The following SAMD5 variants were observed in gnomAD, a reference collection of about 807,000 sequenced individuals.
SAMD5 encodes the protein sterile alpha motif domain containing 5.
SAMD5 carries 13 observed loss-of-function variants against 11.3 expected under a neutral mutation model. The observed-to-expected ratio is 1.15, with a 90% CI of 0.75 to 1.83. The LOEUF (loss-of-function observed/expected upper bound fraction) is 1.83. Ranked by LOEUF, SAMD5 falls within the 40% of genes most tolerant of loss-of-function variation. The pLI is 0.00. For missense variants in SAMD5, 255 were observed against 239.1 expected (o/e 1.07, Z -0.44); for synonymous variants, 129 against 111.3 (o/e 1.16, Z -1.00).
At chr6:147,646,004 GTCTGTCTATGTATCTATCTATGTA>G (rs1315354663) in intron 1 of SAMD5, among the ~76,000 whole-genome samples, 8 of 132,850 alleles carry the variant, frequency 6.0e-5, no homozygotes, top group East Asian at 4.1e-4. Flanking sequence ...ATATCTGTCT[GTCTGTCTATGTATCTATCTATGTA>G]TCTATCTATC....
intron 1 of SAMD5, among the ~76,000 whole-genome samples, chr6:147,703,795 G>A (rs1047263519): frequency 9.2e-5 from 14 of 152,226 alleles, no homozygotes; most frequent in South Asian, 2.1e-4. Context: ...GCATCCATGG[G>A]CAGTGCTGGT....
chr6:147,575,555 A>G (rs968151845), intron 1 of SAMD5, among the ~76,000 whole-genome samples: 1 of 152,250 alleles, frequency 6.6e-6, no homozygotes, highest in African/African-American at 2.4e-5. Context: ...CTGGTTTCAT[A>G]CGTGTTAAAT....
intron 1 of SAMD5, among the ~76,000 whole-genome samples, chr6:147,685,803 A>G (rs1368086385): frequency 2.0e-5 from 3 of 152,170 alleles, no homozygotes; most frequent in Non-Finnish European, 4.4e-5. Context: ...AGGCAACACA[A>G]CTACATGCTT....
At chr6:147,916,751 C>T in the SAMD5 span, among the ~76,000 whole-genome samples, 1 of 142,642 alleles carries the variant, frequency 7.0e-6, no homozygotes, top group Non-Finnish European at 1.5e-5. Context: ...GTTACCCTTC[C>T]TGTGTCGATG....
chr6:147,682,182 T>G (rs1343414485), intron 1 of SAMD5, among the ~76,000 whole-genome samples: 1 of 152,138 alleles, frequency 6.6e-6, no homozygotes, highest in Non-Finnish European at 1.5e-5. Flanking sequence ...GGCCTGGAAA[T>G]TCTTCCTATA....
chr6:147,737,449 T>TGGAGGCAAAA, exon 2 of SAMD5: 1 of 799,868 alleles, frequency 1.3e-6, no homozygotes, highest in Non-Finnish European at 1.8e-6. Context: ...GGACACATAA[T>TGGAGGCAAAA]TTTGCCTCCA....
At chr6:147,916,388 A>G in the SAMD5 span, among the ~76,000 whole-genome samples, 2 of 151,826 alleles carry the variant, frequency 1.3e-5, no homozygotes, top group African/African-American at 4.8e-5. Flanking sequence ...AAGTGTTCCT[A>G]TTTTTCCACA....
chr6:147,681,538 T>G (rs1207893016), intron 1 of SAMD5, among the ~76,000 whole-genome samples: 1 of 152,194 alleles, frequency 6.6e-6, no homozygotes, highest in Non-Finnish European at 1.5e-5. Context: ...TCCGATTGAT[T>G]ATTTTTACTC....
chr6:147,617,327 G>A (rs973972286), intron 1 of SAMD5, among the ~76,000 whole-genome samples: 1 of 152,196 alleles, frequency 6.6e-6, no homozygotes, highest in Non-Finnish European at 1.5e-5. Flanking sequence ...TATGGTGGTT[G>A]TGTGTTCAGC....
At chr6:147,756,906 A>C in the SAMD5 span, among the ~76,000 whole-genome samples, 1 of 152,230 alleles carries the variant, frequency 6.6e-6, no homozygotes, top group African/African-American at 2.4e-5. Flanking sequence ...GTGGCTTTCA[A>C]CATCCTTTCA....
the SAMD5 span, among the ~76,000 whole-genome samples, chr6:147,748,964 C>G: frequency 1.2e-4 from 18 of 152,116 alleles, no homozygotes. Context: ...AGGTACTCTC[C>G]GTTTATTGAC....
chr6:147,945,015 A>G, the SAMD5 span, among the ~76,000 whole-genome samples: 5 of 152,300 alleles, frequency 3.3e-5, no homozygotes, highest in East Asian at 9.7e-4. Flanking sequence ...TTGCCTGCCA[A>G]TTGCATCTAA....
chr6:147,714,851 C>T (rs954917629), intron 1 of SAMD5, among the ~76,000 whole-genome samples: 1 of 152,124 alleles, frequency 6.6e-6, no homozygotes, highest in Non-Finnish European at 1.5e-5. Flanking sequence ...TGAATGTTTT[C>T]CTCCTTATCC....
At position 147,598,371 on chromosome 6, in the gene SAMD5, G is replaced by A. The variant is rs1391942152; in HGVS notation, c.162+88984G>A. Among the ~76,000 whole-genome samples the A allele has an allele frequency of 3.3e-5, 5 of 152,186 alleles. 1 individual carries two copies. The South Asian group carries it at 6.2e-4, about 19-fold the overall frequency. On this transcript the variant is annotated intron_variant, in intron 1 of 1. Coordinates refer to the SAMD5 transcript ENST00000566741. ...ACTTCTGAGCTCAAGTGACATGCCC[G>A]CTTCACCCTCTCAAAATGTTGGGAT... is the stretch of plus-strand genomic sequence containing the variant.
chr6:147,580,333 C>T (rs992074387), intron 1 of SAMD5, among the ~76,000 whole-genome samples: 1 of 152,216 alleles, frequency 6.6e-6, no homozygotes, highest in African/African-American at 2.4e-5. Context: ...CATCCCCTGA[C>T]ACCTCTTACT....
chr6:147,598,445 G>T (rs1789568345), intron 1 of SAMD5, among the ~76,000 whole-genome samples: 1 of 152,116 alleles, frequency 6.6e-6, no homozygotes, highest in South Asian at 2.1e-4. Context: ...AAATGAAAAA[G>T]CATGGTTCTC....
chr6:147,862,751 TA>T, the SAMD5 span, among the ~76,000 whole-genome samples: 1 of 152,212 alleles, frequency 6.6e-6, no homozygotes, highest in African/African-American at 2.4e-5. Flanking sequence ...GCAAAATTCA[TA>T]ACTCCCTATT....
chr6:147,736,121 G>A (rs1378109319), intron 1 of SAMD5, among the ~76,000 whole-genome samples: 2 of 152,164 alleles, frequency 1.3e-5, no homozygotes, highest in Non-Finnish European at 2.9e-5. Context: ...CCTGCTAGCA[G>A]TGTGACATCA....
At chr6:147,802,208 T>C in the SAMD5 span, among the ~76,000 whole-genome samples, 1 of 152,288 alleles carries the variant, frequency 6.6e-6, no homozygotes, top group Non-Finnish European at 1.5e-5. Flanking sequence ...AATGTACTTG[T>C]ACAAAGACAA....
Sources: allele counts gnomAD v4.1 joint callset (sites outside exome capture counted in the v4.1 genomes callset), GRCh38; gene constraint gnomAD v4.1.1; transcripts MANE v1.5; gene names NCBI Gene and HGNC (gene_info 2026-07-23, HGNC 2026-07-21).